Variants in KCNJ15 observed in about 807,000 individuals in gnomAD.
KCNJ15 encodes the protein ATP-sensitive inward rectifier potassium channel 15.
A neutral mutation model predicts 23.0 loss-of-function variants in KCNJ15; 14 were observed. The ratio of observed to expected loss-of-function variants is 0.61; its 90% CI spans 0.40 to 0.95. The LOEUF (loss-of-function observed/expected upper bound fraction) is 0.95, where lower values mean the gene tolerates loss of function less well. KCNJ15 is among the 40% of genes least tolerant of loss of function. The pLI is 0.00. For synonymous variants in KCNJ15, 185 were observed against 183.2 expected (o/e 1.01, Z -0.08); for missense variants, 388 against 461.8 (o/e 0.84, Z 1.46).
intron 1 of KCNJ15, among the ~76,000 whole-genome samples, chr21:38,293,862 A>G (rs1009858317): frequency 6.6e-6 from 1 of 152,260 alleles, no homozygotes; most frequent in Non-Finnish European, 1.5e-5. Flanking sequence ...TTCTGAGGCC[A>G]CTTGGCAAAG....
intron 1 of KCNJ15, among the ~76,000 whole-genome samples, chr21:38,268,317 T>C (rs1261289436): frequency 6.6e-6 from 1 of 152,034 alleles, no homozygotes; most frequent in African/African-American, 2.4e-5. Context: ...CAGTTTCAAG[T>C]TTCTTTGGCT....
chr21:38,281,865 G>T (rs995151171), intron 1 of KCNJ15, among the ~76,000 whole-genome samples: 1 of 151,870 alleles, frequency 6.6e-6, no homozygotes, highest in African/African-American at 2.4e-5. Flanking sequence ...CACAGTGGCT[G>T]GACTAATTTA....
intron 1 of KCNJ15, among the ~76,000 whole-genome samples, chr21:38,236,759 T>C (rs1009923322): frequency 6.6e-6 from 1 of 152,222 alleles, no homozygotes; most frequent in Non-Finnish European, 1.5e-5. Flanking sequence ...GAGAATGGCT[T>C]ACTCCTATGT....
intron 1 of KCNJ15, among the ~76,000 whole-genome samples, chr21:38,245,723 G>C (rs1160117996): frequency 6.6e-6 from 1 of 151,856 alleles, no homozygotes; most frequent in African/African-American, 2.4e-5. Context: ...GAAAGAGAGA[G>C]AAAGAGAAAG....
chr21:38,288,054 T>TTTTTTTTTTTTTTTTTTTTTTTTTTTTC (rs1601231145), intron 1 of KCNJ15, among the ~76,000 whole-genome samples: 1 of 123,896 alleles, frequency 8.1e-6, no homozygotes, highest in African/African-American at 3.1e-5. Context: ...TTTTTTTTTT[T>TTTTTTTTTTTTTTTTTTTTTTTTTTTTC]TTTTGAGATG....
rs1341664995 is a variant in KCNJ15 at position 38,303,816 on chromosome 21, G to A, written c.*3427G>A. 2 of 152,030 alleles carry A rather than the reference G, an allele frequency of 1.3e-5. No homozygotes were observed. Among genetic ancestry groups the A allele is most frequent in the African/African-American group, 2.4e-5 (1 of 41,368 alleles). The allele number at this position is 152,030 out of a possible 1,614,324, so 9.4% of individuals were successfully genotyped here. On this transcript the variant is annotated 3_prime_UTR_variant, in exon 3 of 3. Transcript: ENST00000398938. ...CTACTCCAGCATGAAAAAAATAGTG[G>A]CATTTGCACTCTAGCATTATTCTGT...
intron 1 of KCNJ15, among the ~76,000 whole-genome samples, chr21:38,242,286 A>G (rs1426578184): frequency 6.6e-6 from 1 of 152,168 alleles, no homozygotes; most frequent in Admixed American, 6.5e-5. Flanking sequence ...TCCCAAATCA[A>G]CTTGAAGTTG....
At chr21:38,277,466 G>A (rs1203054400) in intron 1 of KCNJ15, among the ~76,000 whole-genome samples, 4 of 152,188 alleles carry the variant, frequency 2.6e-5, no homozygotes, top group African/African-American at 7.2e-5. Context: ...CTCTCCTCCA[G>A]TAGAAATCCT....
chr21:38,261,036 G>A (rs182581298), intron 1 of KCNJ15, among the ~76,000 whole-genome samples: 12 of 152,156 alleles, frequency 7.9e-5, no homozygotes, highest in Admixed American at 3.9e-4. Context: ...CAGAGTCACC[G>A]CTGGGCCATC....
chr21:38,240,148 AT>A (rs1364059778), intron 1 of KCNJ15, among the ~76,000 whole-genome samples: 1 of 151,948 alleles, frequency 6.6e-6, no homozygotes, highest in Non-Finnish European at 1.5e-5. Flanking sequence ...TATTACAGTG[AT>A]TGCTGCTTTC....
chr21:38,241,440 C>G (rs950494869), intron 1 of KCNJ15, among the ~76,000 whole-genome samples: 4 of 152,194 alleles, frequency 2.6e-5, no homozygotes, highest in African/African-American at 9.6e-5. Flanking sequence ...GCTGGACACT[C>G]CCAGTCTGCC....
chr21:38,299,232 C>T lies in KCNJ15; in HGVS notation c.-18-12C>T, dbSNP rs1235310769. 6.4e-6 allele frequency: 10 copies of T among 1,570,556 alleles called. No homozygotes were observed. Among genetic ancestry groups the T allele is most frequent in the African/African-American group, 1.4e-5 (1 of 73,588 alleles). On this transcript the variant is annotated splice_polypyrimidine_tract_variant and intron_variant, in intron 2 of 2. Transcript: ENST00000398938. The surrounding 1 kb of genome is among the most constrained non-coding windows in gnomAD (Gnocchi z 4.5). ...TATGGCGATAATGAAACATCTTTGT[C>T]ATTTCTCTAAGTGTTTCCAGAGCCT...
intron 1 of KCNJ15, among the ~76,000 whole-genome samples, chr21:38,276,835 T>TTC (rs1217513334): frequency 2.0e-5 from 3 of 152,142 alleles, no homozygotes; most frequent in Non-Finnish European, 1.5e-5. Flanking sequence ...GATCAAGGCA[T>TTC]TTACATCCTA....
At chr21:38,297,894 G>A (rs537464929) in intron 2 of KCNJ15, among the ~76,000 whole-genome samples, 1 of 152,290 alleles carries the variant, frequency 6.6e-6, no homozygotes, top group South Asian at 2.1e-4. Flanking sequence ...CAGACCCATT[G>A]CCTCCTGAAC....
At position 38,305,490 on chromosome 21, in the gene KCNJ15, A is replaced by C. The variant is rs1042818871; in HGVS notation, c.*5101A>C. On this transcript the variant is annotated 3_prime_UTR_variant, in exon 3 of 3. Coordinates refer to ENST00000398938, the MANE Select transcript of KCNJ15 (RefSeq NM_170736.3). The stretch of plus-strand genomic sequence containing the variant: ...GGAAGTCAAAGGACAGAACTGATAC[A>C]CGAGTATAAAAGCCAACGATGTCAT... 6.6e-6 allele frequency: 1 copy of C among 152,258 alleles called. No individual in the cohort carries two copies. The highest frequency in any genetic ancestry group is 2.4e-5 in the African/African-American group (1 of 41,464). The allele number at this position is 152,258 out of a possible 1,614,324, so 9.4% of individuals were successfully genotyped here. A position where few individuals can be genotyped will look rare whatever the true frequency, so the allele number is the denominator to read the frequency against.
At chr21:38,297,992 C>T (rs56104977) in intron 2 of KCNJ15, among the ~76,000 whole-genome samples, 15,258 of 152,232 alleles carry the variant, frequency 0.1, 2,170 homozygotes, top group African/African-American at 0.32. Flanking sequence ...TGAGATAATA[C>T]TGCTCTAACA....
Position 38,304,801 on chromosome 21 carries a change from G to A in KCNJ15, c.*4412G>A, listed in dbSNP as rs1227189444. 2 of 138,864 alleles carry A rather than the reference G, an allele frequency of 1.4e-5. No individual in the cohort carries two copies. The highest frequency in any genetic ancestry group is 5.3e-5 in the African/African-American group (2 of 37,566). The allele number at this position is 138,864 out of a possible 1,614,324, so 8.6% of individuals were successfully genotyped here. A position where few individuals can be genotyped will look rare whatever the true frequency, so the allele number is the denominator to read the frequency against. On this transcript the variant is annotated 3_prime_UTR_variant, in exon 3 of 3. Coordinates refer to ENST00000398938, the MANE Select transcript of KCNJ15 (RefSeq NM_170736.3). Reference sequence around the variant, plus strand: ...ACGCCATTCTCTCCCTCAGCCTCCCGAGTAGCTGGGACTACAGGCGCTCGC... The same window carrying A: ...ACGCCATTCTCTCCCTCAGCCTCCCAAGTAGCTGGGACTACAGGCGCTCGC...
rs1986011248 is a variant in KCNJ15, at chr21:38,305,094, AAAAGAAAAAG to A, written c.*4709_*4718del. On this transcript the variant is annotated 3_prime_UTR_variant, in exon 3 of 3. Transcript: ENST00000398938. ...AAACTCCGTCTCAAAAAAAAAAAAA[AAAAGAAAAAG>A]AAAAAGAAAAGAAAAGAAAATAAAC... 1 of 143,884 alleles carries A rather than the reference AAAAGAAAAAG, an allele frequency of 7.0e-6. No homozygotes were observed. Among genetic ancestry groups the A allele is most frequent in the Admixed American group, 7.1e-5 (1 of 14,114 alleles). 8.9% of individuals were successfully genotyped at this position (143,884 alleles called of 1,614,324 possible).
chr21:38,237,830 C>G (rs1290787115), intron 1 of KCNJ15, among the ~76,000 whole-genome samples: 1 of 152,166 alleles, frequency 6.6e-6, no homozygotes, highest in East Asian at 1.9e-4. Flanking sequence ...GAGAGCTACC[C>G]TTTGGGACAC....
Sources: gnomAD v4.1 joint callset for allele counts (sites outside exome capture counted in the v4.1 genomes callset) on GRCh38, gnomAD v4.1.1 for gene constraint, Gnocchi (gnomAD v3.1) non-coding constraint, MANE v1.5 for transcripts, NCBI Gene and HGNC (gene_info 2026-07-23, HGNC 2026-07-21) for gene names.